Variants in DAB1 observed in about 807,000 individuals in gnomAD.
DAB1 encodes the protein disabled homolog 1.
Under a neutral mutation model 64.6 loss-of-function variants are expected in DAB1, and 15 were observed. That is an observed-to-expected ratio of 0.23 (90% CI 0.16 to 0.36). The LOEUF (loss-of-function observed/expected upper bound fraction) is 0.36, where lower values mean the gene tolerates loss of function less well. Ranked by LOEUF, DAB1 falls within the 10% of genes least tolerant of loss-of-function variation. The pLI, the probability that DAB1 is intolerant of heterozygous loss-of-function variation, is 1.00. For synonymous variants in DAB1, 235 were observed against 251.9 expected (o/e 0.93, Z 0.64); for missense variants, 596 against 706.7 (o/e 0.84, Z 1.78).
At chr1:57,032,578 T>C (rs1024980583) in intron 9 of DAB1, among the ~76,000 whole-genome samples, 1 of 152,150 alleles carries the variant, frequency 6.6e-6, no homozygotes, top group Non-Finnish European at 1.5e-5. Context: ...CCCATGATAC[T>C]CCCAGATCAG....
intron 7 of DAB1, among the ~76,000 whole-genome samples, chr1:57,623,329 C>T (rs1645884587): frequency 2.6e-5 from 4 of 152,114 alleles, no homozygotes; most frequent in South Asian, 2.1e-4. Context: ...AGGTCTCTGT[C>T]GAATTTGTTG....
intron 5 of DAB1, among the ~76,000 whole-genome samples, chr1:57,890,240 T>G (rs1348634960): frequency 6.6e-6 from 1 of 152,012 alleles, no homozygotes; most frequent in Non-Finnish European, 1.5e-5. Context: ...ACACCATCTC[T>G]CCAGTCTTTG....
chr1:58,092,491 GTGAGTTT>G (rs1557646763), intron 5 of DAB1, among the ~76,000 whole-genome samples: 1 of 152,118 alleles, frequency 6.6e-6, no homozygotes, highest in East Asian at 1.9e-4. Flanking sequence ...GGCTAAAAAG[GTGAGTTT>G]CTCCTTGCCC....
chr1:57,363,623 T>C (rs566955510), intron 1 of DAB1, among the ~76,000 whole-genome samples: 6 of 152,108 alleles, frequency 3.9e-5, no homozygotes, highest in Non-Finnish European at 5.9e-5. Context: ...TAATAAATAT[T>C]AGGGACTCCT....
chr1:57,300,953 A>G (rs929083397), intron 1 of DAB1, among the ~76,000 whole-genome samples: 2 of 152,022 alleles, frequency 1.3e-5, no homozygotes. Context: ...GATACAGTTT[A>G]TGTTCTTACA....
chr1:57,513,859 T>C (rs139244159), intron 7 of DAB1, among the ~76,000 whole-genome samples: 1 of 152,300 alleles, frequency 6.6e-6, no homozygotes, highest in Non-Finnish European at 1.5e-5. Context: ...CCAGCCCCTG[T>C]CCTGCAACCC....
Position 58,490,911 on chromosome 1 carries a change from T to C in DAB1, n.257+15149A>G, listed in dbSNP as rs1645673861. 2.1e-5 allele frequency among the ~76,000 whole-genome samples: 3 copies of C among 139,814 alleles called. No individual in the cohort carries two copies. The South Asian group carries it at 7.6e-4, about 35-fold the overall frequency. 91.7% of individuals were successfully genotyped at this position (139,814 alleles called of 152,430 possible). A position where few individuals can be genotyped will look rare whatever the true frequency, so the allele number is the denominator to read the frequency against. On this transcript the variant is annotated intron_variant and non_coding_transcript_variant, in intron 3 of 20. Coordinates refer to the DAB1 transcript ENST00000485760. ...AGCTCTGCCTCCTGGGTTCACACCA[T>C]TCTCCTGCCTCAGCCTTCCGAGTAG...
At chr1:58,536,808 C>A in intron 1 of DAB1, 1 of 783,740 alleles carries the variant, frequency 1.3e-6, no homozygotes. Context: ...AGCTCAAATG[C>A]ATACACTAGA....
At position 58,072,086 on chromosome 1, in the gene DAB1, G is replaced by GGA. The variant is rs1553157685; in HGVS notation, n.387+78424_387+78425insTC. Among the ~76,000 whole-genome samples the GGA allele has an allele frequency of 6.1e-5, 2 of 32,576 alleles. 1 individual carries two copies. Among genetic ancestry groups the GGA allele is most frequent in the Non-Finnish European group, 1.8e-4 (2 of 11,404 alleles). The allele number at this position is 32,576 out of a possible 152,430, so 21.4% of individuals were successfully genotyped here. A position where few individuals can be genotyped will look rare whatever the true frequency, so the allele number is the denominator to read the frequency against. ...GGATAGCAAACATTATTGGTGGGGT[G>GGA]GGGGGGGGTGGGTAGTAGGGAAGGT... On this transcript the variant is annotated intron_variant and non_coding_transcript_variant, in intron 5 of 20. Transcript: ENST00000485760.
chr1:58,522,066 T>C (rs1443935492), intron 2 of DAB1, among the ~76,000 whole-genome samples: 1 of 152,206 alleles, frequency 6.6e-6, no homozygotes, highest in East Asian at 1.9e-4. Flanking sequence ...AAATTAGGTA[T>C]ATTTCCCCAA....
intron 7 of DAB1, among the ~76,000 whole-genome samples, chr1:57,515,187 C>T (rs79798677): frequency 2.6e-4 from 40 of 152,252 alleles, no homozygotes; most frequent in Non-Finnish European, 5.6e-4. Flanking sequence ...AAAAAAATGC[C>T]TTGTTAGTCC....
intron 1 of DAB1, among the ~76,000 whole-genome samples, chr1:57,383,883 C>T (rs2100979001): frequency 6.6e-6 from 1 of 152,086 alleles, no homozygotes; most frequent in East Asian, 1.9e-4. Flanking sequence ...AAAGCACAAA[C>T]AACAAAAGTA....
intron 4 of DAB1, among the ~76,000 whole-genome samples, chr1:58,180,443 C>A (rs939879951): frequency 1.3e-5 from 2 of 150,998 alleles, no homozygotes; most frequent in Non-Finnish European, 2.9e-5. Context: ...CAGGTGCATG[C>A]CACCACCCCA....
rs571204541 is a variant in DAB1 at position 57,864,001 on chromosome 1, T to C, written n.87+19998A>G. On this transcript the variant is annotated intron_variant and non_coding_transcript_variant, in intron 1 of 1. Transcript: ENST00000477280. ...CCCTGCTGTCAAAGTGCTCCCATTCTAGTGGAATGAGATAGGACATTAATA... is the reference window on the plus strand; with the variant it reads ...CCCTGCTGTCAAAGTGCTCCCATTCCAGTGGAATGAGATAGGACATTAATA... Among the ~76,000 whole-genome samples, 6 of 152,298 alleles carry C rather than the reference T, an allele frequency of 3.9e-5. No individual in the cohort carries two copies. The South Asian group carries it at 1.2e-3, about 32-fold the overall frequency.
At chr1:57,214,889 C>T (rs113235082) in intron 2 of DAB1, among the ~76,000 whole-genome samples, 1,265 of 113,604 alleles carry the variant, frequency 0.011, 19 homozygotes, top group African/African-American at 0.043. Flanking sequence ...CCAGCCTGGG[C>T]GACAGAGCAA....
chr1:58,447,857 C>CA (rs67071278), intron 3 of DAB1, among the ~76,000 whole-genome samples: 3,751 of 43,924 alleles, frequency 0.085, 70 homozygotes, highest in Middle Eastern at 0.22. Flanking sequence ...ATGACTTAAA[C>CA]AAAAAAAAAA....
chr1:58,002,188 A>T (rs1646516417), intron 5 of DAB1, among the ~76,000 whole-genome samples: 1 of 152,206 alleles, frequency 6.6e-6, no homozygotes, highest in Non-Finnish European at 1.5e-5. Context: ...GCCACAGGCA[A>T]CTGATACACT....
chr1:58,330,070 T>G (rs544772976), intron 4 of DAB1, among the ~76,000 whole-genome samples: 1 of 152,326 alleles, frequency 6.6e-6, no homozygotes, highest in East Asian at 1.9e-4. Flanking sequence ...GCTAGGTCTC[T>G]TGCACCAAAT....
intron 5 of DAB1, among the ~76,000 whole-genome samples, chr1:58,073,616 C>T (rs1649410656): frequency 6.6e-6 from 1 of 152,160 alleles, no homozygotes; most frequent in African/African-American, 2.4e-5. Flanking sequence ...ATATTGGATG[C>T]ATTAATGGTT....
Sources: gnomAD v4.1 joint callset for allele counts (sites outside exome capture counted in the v4.1 genomes callset) on GRCh38, gnomAD v4.1.1 for gene constraint, MANE v1.5 for transcripts, NCBI Gene and HGNC (gene_info 2026-07-23, HGNC 2026-07-21) for gene names.